The following TDRD15 variants were observed in gnomAD, a reference collection of about 807,000 sequenced individuals.
TDRD15 encodes the protein tudor domain containing 15.
For synonymous variants in TDRD15, 503 were observed against 314.5 expected, an observed-to-expected ratio of 1.60 and a Z score of -6.34; for missense variants, 1,416 against 904.7, an observed-to-expected ratio of 1.57 and a Z score of -7.25.
rs1665847282 is a variant in TDRD15 at position 21,138,105 on chromosome 2, C to T, written c.638C>T (p.Pro213Leu). The T allele has an allele frequency of 4.2e-6, 3 of 716,224 alleles. No homozygotes were observed. The highest frequency in any genetic ancestry group is 7.8e-6 in the Non-Finnish European group (3 of 384,396). The allele number at this position is 716,224 out of a possible 1,614,324, so 44.4% of individuals were successfully genotyped here. ...CCAGATTTATTACAACATAAAAGGC[C>T]TGAATTGTCATTAGGTAATAAAGAT... ...QMPDLLQHKR[P>L]ELSLGNKDTS... Residue 213 changes from proline (P) to leucine (L), a missense_variant, in exon 4 of 4, where the codon CCT becomes CTT. Physicochemically the swap from Pro to Leu is moderately conservative, Grantham distance 98. Transcript: ENST00000405799.
At chr2:21,135,467 T>C (rs908044279) in intron 3 of TDRD15, among the ~76,000 whole-genome samples, 9 of 151,994 alleles carry the variant, frequency 5.9e-5, no homozygotes, top group African/African-American at 2.2e-4. Flanking sequence ...AAAATTTTCC[T>C]ATGTGCCAAT....
intron 2 of TDRD15, among the ~76,000 whole-genome samples, chr2:21,133,098 T>C (rs1236733152): frequency 6.6e-6 from 1 of 152,160 alleles, no homozygotes; most frequent in African/African-American, 2.4e-5. Flanking sequence ...AATGAAGCCC[T>C]GATTCTGAAA....
At position 21,138,791 on chromosome 2, in the gene TDRD15, G is replaced by A. The variant is rs2103444160; in HGVS notation, c.1324G>A (p.Val442Ile). ...NILSETSVSDVNSFAVESFMG... is the reference protein window; with the variant it reads ...NILSETSVSDINSFAVESFMG... ...CTTGAGTGAGACAAGTGTGTCTGAT[G>A]TAAACAGCTTTGCAGTTGAGAGTTT... The change falls in exon 4 of 4, where the codon GTA (valine) becomes ATA (isoleucine). Residue 442 changes from valine (V) to isoleucine (I), a missense_variant. Physicochemically the swap from Val to Ile is conservative, Grantham distance 29. Coordinates refer to ENST00000405799, the MANE Select transcript of TDRD15 (RefSeq NM_001306137.2). The A allele has an allele frequency of 1.4e-6, 1 of 714,426 alleles. No individual in the cohort carries two copies. Among genetic ancestry groups the A allele is most frequent in the Non-Finnish European group, 2.6e-6 (1 of 383,722 alleles). 44.3% of individuals were successfully genotyped at this position (714,426 alleles called of 1,614,324 possible). A position where few individuals can be genotyped will look rare whatever the true frequency, so the allele number is the denominator to read the frequency against.
rs1247430174 is a variant in TDRD15, at chr2:21,140,945, A to G, written c.3478A>G (p.Asn1160Asp). Residue 1160 changes from asparagine (N) to aspartate (D), a missense_variant, in exon 4 of 4, where the codon AAT becomes GAT. Physicochemically the swap from Asn to Asp is conservative, Grantham distance 23. Transcript: ENST00000405799. ...ACCMEKSNKI[N>D]ENKRFTTSLK... Reference sequence around the variant, plus strand: ...CTGCATGGAAAAGAGTAATAAAATAAATGAGAATAAGAGATTTACTACTTC... The same window carrying G: ...CTGCATGGAAAAGAGTAATAAAATAGATGAGAATAAGAGATTTACTACTTC... 1 of 711,084 alleles carries G rather than the reference A, an allele frequency of 1.4e-6. No individual in the cohort carries two copies. The highest frequency in any genetic ancestry group is 1.5e-5 in the South Asian group (1 of 66,176). The allele number at this position is 711,084 out of a possible 1,614,324, so 44.0% of individuals were successfully genotyped here.
chr2:21,129,655 T>C lies in TDRD15; in HGVS notation c.-90+1944T>C, dbSNP rs142373266. Among the ~76,000 whole-genome samples, 674 of 152,328 alleles carry C rather than the reference T, an allele frequency of 4.4e-3. 6 individuals are homozygous for C. Among genetic ancestry groups the C allele is most frequent in the African/African-American group, 0.016 (653 of 41,568 alleles). On this transcript the variant is annotated intron_variant, in intron 2 of 3. Coordinates refer to ENST00000405799, the MANE Select transcript of TDRD15 (RefSeq NM_001306137.2). ...TTTCTGCCATTTTCAGGGTTGACTT[T>C]TCACTTTTCTGATGGGTCCTTTGGA...
chr2:21,127,392 A>G (rs567461413), intron 1 of TDRD15, among the ~76,000 whole-genome samples: 1 of 152,298 alleles, frequency 6.6e-6, no homozygotes, highest in Non-Finnish European at 1.5e-5. Flanking sequence ...TGCCACGTCA[A>G]GGTACCTATG....
intron 2 of TDRD15, among the ~76,000 whole-genome samples, chr2:21,131,876 A>T (rs1001126590): frequency 6.6e-6 from 1 of 152,214 alleles, no homozygotes; most frequent in Non-Finnish European, 1.5e-5. Flanking sequence ...TCAGTGATTT[A>T]TAGGACTATA....
Position 21,142,075 on chromosome 2 carries a change from T to C in TDRD15, c.4608T>C (p.Val1536=). 1.4e-6 allele frequency: 1 copy of C among 696,062 alleles called. No individual in the cohort carries two copies. The highest frequency in any genetic ancestry group is 2.6e-6 in the Non-Finnish European group (1 of 379,020). 43.1% of individuals were successfully genotyped at this position (696,062 alleles called of 1,614,324 possible). ...GQLEKAEMLN[V]SKSGRFYVKL... ...TTGAAAAAGCTGAAATGCTTAATGT[T>C]TCAAAAAGTGGAAGATTTTATGTGA... The change falls in exon 4 of 4, where the codon GTT becomes GTC. Residue 1536 remains valine (V), a synonymous_variant. Coordinates refer to ENST00000405799, the MANE Select transcript of TDRD15 (RefSeq NM_001306137.2).
In TDRD15 at chr2:21,143,289, A is replaced by G. The variant is rs774099572; in HGVS notation, c.*17A>G. On this transcript the variant is annotated 3_prime_UTR_variant, in exon 4 of 4. Coordinates refer to ENST00000405799, the MANE Select transcript of TDRD15 (RefSeq NM_001306137.2). Reference sequence around the variant, plus strand: ...CCAATATAAATTACAAAGTAAGCCTATTTTCCCATTGTTAGATCAAAATTG... The same window carrying G: ...CCAATATAAATTACAAAGTAAGCCTGTTTTCCCATTGTTAGATCAAAATTG... 1.1e-5 allele frequency: 6 copies of G among 542,038 alleles called. No homozygotes were observed. Among genetic ancestry groups the G allele is most frequent in the African/African-American group, 2.0e-5 (1 of 51,108 alleles). 33.6% of individuals were successfully genotyped at this position (542,038 alleles called of 1,614,324 possible). A position where few individuals can be genotyped will look rare whatever the true frequency, so the allele number is the denominator to read the frequency against.
At chr2:21,124,441 GGTGT>G (rs1167399863) in intron 1 of TDRD15, among the ~76,000 whole-genome samples, 7 of 147,614 alleles carry the variant, frequency 4.7e-5, no homozygotes, top group African/African-American at 1.8e-4. Context: ...CTAATGTCAG[GGTGT>G]GTGTGTGTGA....
intron 3 of TDRD15, among the ~76,000 whole-genome samples, chr2:21,135,468 A>C (rs926433273): frequency 4.0e-5 from 6 of 151,840 alleles, no homozygotes; most frequent in Admixed American, 3.9e-4. Flanking sequence ...AAATTTTCCT[A>C]TGTGCCAATT....
chr2:21,133,362 G>C (rs890410223), intron 2 of TDRD15, among the ~76,000 whole-genome samples: 1 of 152,040 alleles, frequency 6.6e-6, no homozygotes. Context: ...TGCTTTGCTT[G>C]TTTGTTTTTG....
At chr2:21,126,191 C>T (rs534558446) in intron 1 of TDRD15, among the ~76,000 whole-genome samples, 14 of 152,172 alleles carry the variant, frequency 9.2e-5, no homozygotes, top group Non-Finnish European at 1.9e-4. Flanking sequence ...TGGTCCCACT[C>T]GAACCTGCGC....
chr2:21,142,970 C>G lies in TDRD15; in HGVS notation c.5503C>G (p.Pro1835Ala), dbSNP rs982962040. 10 of 703,972 alleles carry G rather than the reference C, an allele frequency of 1.4e-5. No homozygotes were observed. In the African/African-American group the frequency reaches 1.4e-4, roughly 10 times the overall value. 43.6% of individuals were successfully genotyped at this position (703,972 alleles called of 1,614,324 possible). ...AGAAATTATAAATCTTAAAGTTGTT[C>G]CTGAGGAACTTTTGAATTTGCCAAG... ...YSEIINLKVV[P>A]EELLNLPRLS... The change falls in exon 4 of 4, where the codon CCT becomes GCT. Residue 1835 changes from proline (P) to alanine (A), a missense_variant. By Grantham distance (27) the Pro-to-Ala change is conservative. Transcript: ENST00000405799.
chr2:21,141,783 T>C lies in TDRD15; in HGVS notation c.4316T>C (p.Val1439Ala), dbSNP rs1665938761. The stretch of plus-strand genomic sequence containing the variant: ...ACTTCGAAAGTACATAACAAAACAG[T>C]TTATTGTGAATTTTTGAAAAAGCAT... ...YFTSKVHNKTVYCEFLKKHDQ... is the reference protein window; with the variant it reads ...YFTSKVHNKTAYCEFLKKHDQ... The change falls in exon 4 of 4, where the codon GTT becomes GCT. Residue 1439 changes from valine to alanine, a missense_variant. Coordinates refer to ENST00000405799, the MANE Select transcript of TDRD15 (RefSeq NM_001306137.2). The C allele has an allele frequency of 1.4e-6, 1 of 713,402 alleles. No individual in the cohort carries two copies. Among genetic ancestry groups the C allele is most frequent in the African/African-American group, 1.8e-5 (1 of 56,978 alleles). The allele number at this position is 713,402 out of a possible 1,614,324, so 44.2% of individuals were successfully genotyped here.
At position 21,141,144 on chromosome 2, in the gene TDRD15, A is replaced by G. The variant is rs1017853175; in HGVS notation, c.3677A>G (p.Lys1226Arg). The change falls in exon 4 of 4, where the codon AAG becomes AGG. Residue 1226 changes from lysine to arginine, a missense_variant. Lys to Arg is a conservative substitution (Grantham distance 26). Coordinates refer to ENST00000405799, the MANE Select transcript of TDRD15 (RefSeq NM_001306137.2). ...KMEPVSKNKM[K>R]TSLNDGLKGI... ...GAACCTGTGTCAAAAAACAAAATGA[A>G]GACTTCTTTGAATGATGGGCTTAAA... is the stretch of plus-strand genomic sequence containing the variant. 8.8e-5 allele frequency: 63 copies of G among 713,402 alleles called. No homozygotes were observed. The Admixed American group carries it at 1.2e-3, about 14-fold the overall frequency. The allele number at this position is 713,402 out of a possible 1,614,324, so 44.2% of individuals were successfully genotyped here.
rs1401825056 is a variant in TDRD15 at position 21,141,083 on chromosome 2, G to A, written c.3616G>A (p.Ala1206Thr). The A allele has an allele frequency of 1.4e-6, 1 of 705,116 alleles. No homozygotes were observed. The highest frequency in any genetic ancestry group is 1.8e-5 in the African/African-American group (1 of 56,318). 43.7% of individuals were successfully genotyped at this position (705,116 alleles called of 1,614,324 possible). A position where few individuals can be genotyped will look rare whatever the true frequency, so the allele number is the denominator to read the frequency against. Residue 1206 changes from alanine (A) to threonine (T), a missense_variant, in exon 4 of 4, where the codon GCC (alanine) becomes ACC (threonine). Ala to Thr is a moderately conservative substitution (Grantham distance 58). Transcript: ENST00000405799. ...ATTGATGCATCCCAAAAATATACAT[G>A]CCAGGTTTTTGAAGCCATCAGTTTG... ...DQLMHPKNIHARFLKPSVCYK... is the reference protein window; with the variant it reads ...DQLMHPKNIHTRFLKPSVCYK...
chr2:21,134,032 T>C (rs1665765287), intron 2 of TDRD15, among the ~76,000 whole-genome samples: 1 of 152,002 alleles, frequency 6.6e-6, no homozygotes, highest in Non-Finnish European at 1.5e-5. Context: ...ACTTTATATA[T>C]ATGGCTCAAT....
At chr2:21,126,092 T>G (rs1175347784) in intron 1 of TDRD15, among the ~76,000 whole-genome samples, 1 of 152,138 alleles carries the variant, frequency 6.6e-6, no homozygotes, top group Non-Finnish European at 1.5e-5. Context: ...ATATTTGAAG[T>G]GTACAATTTG....
Sources: gnomAD v4.1 joint callset for allele counts (sites outside exome capture counted in the v4.1 genomes callset) on GRCh38, gnomAD v4.1.1 for gene constraint, MANE v1.5 for transcripts, NCBI Gene and HGNC (gene_info 2026-07-23, HGNC 2026-07-21) for gene names.